Variants in MGAM2 observed in about 807,000 individuals in gnomAD.
MGAM2 encodes maltase-glucoamylase 2 (putative), also known as probable maltase-glucoamylase 2.
In MGAM2, 98 loss-of-function variants were observed where a neutral mutation model predicts 96.1. The observed-to-expected ratio is 1.02, with a 90% CI of 0.87 to 1.21. The LOEUF is 1.21. MGAM2 is among the 50% of genes most tolerant of loss of function. The probability of loss-of-function intolerance (pLI) is 0.00; values close to 1 mark genes in which losing one functional copy is unlikely to be tolerated. For missense variants in MGAM2, 2,055 were observed against 1,182.4 expected (o/e 1.74, Z -10.82); for synonymous variants, 749 against 414.8 (o/e 1.81, Z -9.79).
At chr7:142,154,344 T>G (rs2129084544) in intron 16 of MGAM2, among the ~76,000 whole-genome samples, 155 bp downstream of exon 16, 1 of 152,346 alleles carries the variant, frequency 6.6e-6, no homozygotes, top group African/African-American at 2.4e-5. Context: ...AGCTGCCTTC[T>G]GAAGATAGAA....
chr7:142,213,413 G>A lies in MGAM2; in HGVS notation c.5187+4791G>A, dbSNP rs1475912496. On this transcript the variant is annotated intron_variant, in intron 46 of 47. Transcript: ENST00000477922. ...GTTTTTTGAAATGATTAACAGAATA[G>A]TTAGACCGCTAGCCAGACTAATAAA... 2.0e-5 allele frequency among the ~76,000 whole-genome samples: 3 copies of A among 152,052 alleles called. No homozygotes were observed. In the East Asian group the frequency reaches 5.8e-4, roughly 29 times the overall value.
Position 142,157,986 on chromosome 7 carries a change from C to T in MGAM2, c.1973C>T (p.Ser658Phe), listed in dbSNP as rs1388601330. ...FGVDSLLLKS[S>F]RHYLNIRYTL... Reference sequence around the variant, plus strand: ...GTTGATTCCCTGCTGCTGAAATCCTCCAGACATTATCTGAACATCCGCTAC... The same window carrying T: ...GTTGATTCCCTGCTGCTGAAATCCTTCAGACATTATCTGAACATCCGCTAC... Residue 658 changes from serine to phenylalanine, a missense_variant, in exon 18 of 48, where the codon TCC becomes TTC. Physicochemically the swap from Ser to Phe is radical, Grantham distance 155. Coordinates refer to ENST00000477922, the MANE Select transcript of MGAM2 (RefSeq NM_001293626.2). 4.3e-6 allele frequency: 3 copies of T among 702,886 alleles called. No individual in the cohort carries two copies. The highest frequency in any genetic ancestry group is 3.5e-5 in the African/African-American group (2 of 57,264). 43.5% of individuals were successfully genotyped at this position (702,886 alleles called of 1,614,324 possible). A position where few individuals can be genotyped will look rare whatever the true frequency, so the allele number is the denominator to read the frequency against.
At chr7:142,157,763 G>T (rs1354141151) in intron 17 of MGAM2, among the ~76,000 whole-genome samples, 174 bp from the exon 18 acceptor site, 6 of 152,088 alleles carry the variant, frequency 3.9e-5, no homozygotes, top group African/African-American at 1.4e-4. Context: ...CCTTGATATT[G>T]TTTTCTCATG....
chr7:142,137,273 G>A (rs1176253897), intron 8 of MGAM2, among the ~76,000 whole-genome samples, 160 bp from the exon 9 acceptor site: 2 of 150,274 alleles, frequency 1.3e-5, no homozygotes, highest in African/African-American at 4.9e-5. Flanking sequence ...TCAATACTTT[G>A]ATAAACTCCA....
chr7:142,189,669 A>G (rs1450160754), intron 37 of MGAM2, among the ~76,000 whole-genome samples, 164 bp downstream of exon 37: 1 of 152,258 alleles, frequency 6.6e-6, no homozygotes, highest in Non-Finnish European at 1.5e-5. Context: ...GCATTTATCA[A>G]GTGGGTTACT....
chr7:142,184,060 C>T (rs35876762), intron 33 of MGAM2, among the ~76,000 whole-genome samples: 1 of 139,026 alleles, frequency 7.2e-6, no homozygotes, highest in Non-Finnish European at 1.5e-5. Context: ...GCAACCTCCT[C>T]TTCCCAGGTT....
chr7:142,149,755 A>G (rs6961124), intron 15 of MGAM2, among the ~76,000 whole-genome samples: 2 of 151,526 alleles, frequency 1.3e-5, no homozygotes, highest in Non-Finnish European at 2.9e-5. Context: ...GTTAGCCAGG[A>G]TGGTCTCCAT....
At chr7:142,206,160 G>A (rs1331058111) in intron 45 of MGAM2, among the ~76,000 whole-genome samples, 2 of 152,044 alleles carry the variant, frequency 1.3e-5, no homozygotes, top group African/African-American at 2.4e-5. Flanking sequence ...CTATTCTTAT[G>A]TCAGCACTGC....
chr7:142,174,908 G>A (rs935670514), intron 31 of MGAM2, among the ~76,000 whole-genome samples: 3 of 151,732 alleles, frequency 2.0e-5, no homozygotes, highest in Non-Finnish European at 4.4e-5. Flanking sequence ...TAGTAGGGAC[G>A]GGGTTTCACT....
intron 1 of MGAM2, among the ~76,000 whole-genome samples, chr7:142,115,269 C>A (rs1378577662): frequency 6.6e-6 from 1 of 152,104 alleles, no homozygotes; most frequent in African/African-American, 2.4e-5. Flanking sequence ...CTGTCAAGAC[C>A]ATCAGTCGGC....
chr7:142,171,300 T>G lies in MGAM2; in HGVS notation c.3211T>G (p.Phe1071Val), dbSNP rs1182470035. Residue 1071 changes from phenylalanine (F) to valine (V), a missense_variant, in exon 28 of 48, where the codon TTC becomes GTC. By Grantham distance (50) the Phe-to-Val change is conservative. Coordinates refer to ENST00000477922, the MANE Select transcript of MGAM2 (RefSeq NM_001293626.2). ...IWDSQLPGFI[F>V]NDMFLSISTR... ...GGATTCTCAACTCCCTGGCTTCATC[T>G]TCAATGACATGTTTCTCTCCATTTC... The G allele has an allele frequency of 1.3e-5, 9 of 702,652 alleles. No individual in the cohort carries two copies. Among genetic ancestry groups the G allele is most frequent in the Admixed American group, 1.2e-4 (6 of 49,966 alleles). 43.5% of individuals were successfully genotyped at this position (702,652 alleles called of 1,614,324 possible). A position where few individuals can be genotyped will look rare whatever the true frequency, so the allele number is the denominator to read the frequency against.
At position 142,199,701 on chromosome 7, in the gene MGAM2, T is replaced by C. The variant is rs148989715; in HGVS notation, c.5049-179T>C. 9.3e-3 allele frequency among the ~76,000 whole-genome samples: 1,417 copies of C among 152,300 alleles called. 17 individuals are homozygous for C. The highest frequency in any genetic ancestry group is 0.033 in the African/African-American group (1,371 of 41,566). ...CAAATGTTTTATTAAATTTTAAACG[T>C]TTTCCATTAACTTTTAAATGTCTTA... On this transcript the variant is annotated intron_variant, in intron 44 of 47. Coordinates refer to ENST00000477922, the MANE Select transcript of MGAM2 (RefSeq NM_001293626.2).
At chr7:142,133,825 C>T (rs539101668) in intron 6 of MGAM2, among the ~76,000 whole-genome samples, 156 bp from the exon 7 acceptor site, 62 of 152,202 alleles carry the variant, frequency 4.1e-4, no homozygotes, top group African/African-American at 1.4e-3. Flanking sequence ...AATTAAAGAA[C>T]CAGAGGTGCC....
At chr7:142,219,083 C>T (rs1797848596) in intron 47 of MGAM2, among the ~76,000 whole-genome samples, 1 of 152,068 alleles carries the variant, frequency 6.6e-6, no homozygotes. Context: ...CTAGAGGATT[C>T]TAGAATCAAC....
intron 10 of MGAM2, among the ~76,000 whole-genome samples, chr7:142,139,156 A>G (rs1182617220): frequency 1.3e-5 from 2 of 152,212 alleles, no homozygotes; most frequent in Non-Finnish European, 2.9e-5. Flanking sequence ...GTGACCTCAT[A>G]TACTCCTCCC....
At chr7:142,147,337 A>G (rs1239193605) in intron 14 of MGAM2, 119 bp from the exon 15 acceptor site, 2 of 565,416 alleles carry the variant, frequency 3.5e-6, no homozygotes, top group Non-Finnish European at 6.3e-6. Flanking sequence ...TCTGGAATGG[A>G]TTTGGTCAGG....
intron 12 of MGAM2, among the ~76,000 whole-genome samples, chr7:142,141,875 T>C (rs1035772530): frequency 1.3e-5 from 2 of 152,192 alleles, no homozygotes; most frequent in Non-Finnish European, 2.9e-5. Flanking sequence ...GGCAGTGGAA[T>C]AGGCTGAGCT....
chr7:142,199,615 A>T (rs1243286409), intron 44 of MGAM2, among the ~76,000 whole-genome samples: 1 of 152,174 alleles, frequency 6.6e-6, no homozygotes, highest in Admixed American at 6.5e-5. Flanking sequence ...TCTTCCTATG[A>T]AATTAATATT....
chr7:142,143,640 G>T (rs923759618), intron 12 of MGAM2, 129 bp from the exon 13 acceptor site: 2 of 443,862 alleles, frequency 4.5e-6, no homozygotes, highest in Non-Finnish European at 8.0e-6. Context: ...TTTAGTTTTT[G>T]TTGGGGTAGT....
Sources: gnomAD v4.1 joint callset for allele counts (sites outside exome capture counted in the v4.1 genomes callset) on GRCh38, gnomAD v4.1.1 for gene constraint, MANE v1.5 for transcripts, NCBI Gene and HGNC (gene_info 2026-07-23, HGNC 2026-07-21) for gene names.